The following BIN3 variants were observed in gnomAD, a reference collection of about 807,000 sequenced individuals.
BIN3 encodes the protein bridging integrator 3.
In BIN3, 41 loss-of-function variants were observed where a neutral mutation model predicts 38.2. The observed-to-expected ratio is 1.07, with a 90% CI of 0.84 to 1.39. The LOEUF is 1.39. Ranked by LOEUF, BIN3 falls within the 40% of genes most tolerant of loss-of-function variation. BIN3 has a pLI of 0.00. For synonymous variants in BIN3, 145 were observed against 122.6 expected, an observed-to-expected ratio of 1.18 and a Z score of -1.21; for missense variants, 361 against 324.3, an observed-to-expected ratio of 1.11 and a Z score of -0.87.
chr8:22,633,772 G>C (rs1484599401), intron 4 of BIN3, among the ~76,000 whole-genome samples: 2 of 152,226 alleles, frequency 1.3e-5, no homozygotes, highest in African/African-American at 4.8e-5. Context: ...TTGGAGGCTG[G>C]AGGTGGGGCC....
chr8:22,649,768 G>T (rs1450915774), intron 1 of BIN3, among the ~76,000 whole-genome samples: 2 of 147,644 alleles, frequency 1.4e-5, no homozygotes, highest in Non-Finnish European at 3.0e-5. Context: ...AATAGCACCT[G>T]ATCAGTGTTA....
At chr8:22,632,734 C>T (rs1435371806) in intron 4 of BIN3, among the ~76,000 whole-genome samples, 2 of 123,620 alleles carry the variant, frequency 1.6e-5, no homozygotes. Context: ...GACGGAGTTT[C>T]GCTCTTGTCA....
chr8:22,626,946 G>A (rs555797188), intron 6 of BIN3, among the ~76,000 whole-genome samples: 3 of 152,296 alleles, frequency 2.0e-5, no homozygotes, highest in South Asian at 2.1e-4. Flanking sequence ...GAGGGAGGCC[G>A]GGTTACAGAG....
At chr8:22,663,887 T>C (rs1434426866) in intron 1 of BIN3, among the ~76,000 whole-genome samples, 1 of 152,234 alleles carries the variant, frequency 6.6e-6, no homozygotes, top group Non-Finnish European at 1.5e-5. Flanking sequence ...CAAGTCTTTC[T>C]TGATGATGCC....
chr8:22,640,185 C>T (rs1443931299), intron 2 of BIN3, among the ~76,000 whole-genome samples: 1 of 147,312 alleles, frequency 6.8e-6, no homozygotes, highest in African/African-American at 2.5e-5. Flanking sequence ...CCTTCTTCTT[C>T]TTTTTTTTTT....
At chr8:22,627,946 C>T (rs778346413) in intron 6 of BIN3, among the ~76,000 whole-genome samples, 16 of 152,242 alleles carry the variant, frequency 1.1e-4, no homozygotes, top group South Asian at 2.1e-4. Flanking sequence ...AGAAGGGGGC[C>T]GGGCTGGGCC....
chr8:22,636,055 A>T (rs1802355240), intron 4 of BIN3, among the ~76,000 whole-genome samples: 1 of 152,064 alleles, frequency 6.6e-6, no homozygotes, highest in Non-Finnish European at 1.5e-5. Context: ...GTCATCATAG[A>T]ATTATCTGGG....
At chr8:22,651,773 C>T (rs1563975794) in intron 1 of BIN3, among the ~76,000 whole-genome samples, 2 of 152,276 alleles carry the variant, frequency 1.3e-5, no homozygotes, top group East Asian at 3.9e-4. Context: ...AATTTTACAA[C>T]AATGTGGGTC....
At chr8:22,661,980 A>G (rs1240787204) in intron 1 of BIN3, among the ~76,000 whole-genome samples, 2 of 152,002 alleles carry the variant, frequency 1.3e-5, no homozygotes. Flanking sequence ...TTTTTAGTAG[A>G]GACGGGGTTT....
chr8:22,649,905 CAT>C (rs57371298), intron 1 of BIN3, among the ~76,000 whole-genome samples: 2,564 of 149,844 alleles, frequency 0.017, 76 homozygotes, highest in African/African-American at 0.058. Flanking sequence ...ACAGTGTGTA[CAT>C]GTGTGTGTGC....
At chr8:22,647,008 G>A (rs574330260) in intron 1 of BIN3, among the ~76,000 whole-genome samples, 76 of 152,242 alleles carry the variant, frequency 5.0e-4, no homozygotes, top group African/African-American at 1.6e-3. Context: ...CTCTCGACCC[G>A]GTATCAGAAA....
At chr8:22,668,588 A>G (rs896446042) in intron 1 of BIN3, among the ~76,000 whole-genome samples, 4 of 152,200 alleles carry the variant, frequency 2.6e-5, no homozygotes, top group African/African-American at 9.6e-5. Flanking sequence ...AGTCGTGCAA[A>G]GAGGATAGTT....
chr8:22,637,383 A>C (rs965134337), intron 2 of BIN3, among the ~76,000 whole-genome samples: 9 of 152,162 alleles, frequency 5.9e-5, no homozygotes, highest in Admixed American at 5.2e-4. Flanking sequence ...CCTAGTTTCC[A>C]GGTCCATGCA....
intron 1 of BIN3, among the ~76,000 whole-genome samples, chr8:22,658,818 A>C (rs771284953): frequency 2.7e-4 from 41 of 151,936 alleles, no homozygotes; most frequent in Non-Finnish European, 4.9e-4. Flanking sequence ...GAATGGAGGG[A>C]GGGCTGAGCA....
In BIN3 at chr8:22,636,953, C is replaced by T; in HGVS notation, c.67G>A (p.Asp23Asn). The change falls in exon 3 of 9, where the codon GAC becomes AAC. Residue 23 changes from aspartate to asparagine, a missense_variant. By Grantham distance (23) the Asp-to-Asn change is conservative. Transcript: ENST00000276416. Reference protein sequence around the residue: ...KQIVPKTVERDFEREYGKLQQ... With the variant: ...KQIVPKTVERNFEREYGKLQQ... ...AGTTTTCCATACTCCCTTTCAAAGT[C>T]TCTCTCCACCTGAAACGAGAGAGAT... 1 of 1,613,270 alleles carries T rather than the reference C, an allele frequency of 6.2e-7. No homozygotes were observed. Among genetic ancestry groups the T allele is most frequent in the Non-Finnish European group, 8.5e-7 (1 of 1,179,268 alleles).
intron 1 of BIN3, among the ~76,000 whole-genome samples, chr8:22,657,065 G>C (rs1191594492): frequency 6.6e-6 from 1 of 152,158 alleles, no homozygotes; most frequent in Non-Finnish European, 1.5e-5. Flanking sequence ...ATTTGTTAAG[G>C]GCCACCTTTG....
At chr8:22,631,385 C>T (rs879255781) in intron 4 of BIN3, among the ~76,000 whole-genome samples, 2 of 152,094 alleles carry the variant, frequency 1.3e-5, no homozygotes, top group Admixed American at 6.6e-5. Context: ...GGGACTTGTA[C>T]GGGACAAAGA....
At chr8:22,645,474 C>A (rs1317232727) in intron 1 of BIN3, among the ~76,000 whole-genome samples, 1 of 150,812 alleles carries the variant, frequency 6.6e-6, no homozygotes, top group East Asian at 1.9e-4. Context: ...AGAGGGAGAC[C>A]CTGTCTTTTA....
chr8:22,633,077 C>T (rs1200808678), intron 4 of BIN3, among the ~76,000 whole-genome samples: 2 of 152,204 alleles, frequency 1.3e-5, no homozygotes, highest in African/African-American at 2.4e-5. Flanking sequence ...TGAGTGGGCT[C>T]AGTGGCCGGC....
Sources: gnomAD v4.1 joint callset for allele counts (sites outside exome capture counted in the v4.1 genomes callset) on GRCh38, gnomAD v4.1.1 for gene constraint, MANE v1.5 for transcripts, NCBI Gene and HGNC (gene_info 2026-07-23, HGNC 2026-07-21) for gene names.